MDFIC2: variants seen among roughly 807,000 people sequenced by gnomAD.
MDFIC2 encodes myoD family inhibitor domain-containing protein 2.
intron 2 of MDFIC2, among the ~76,000 whole-genome samples, chr3:70,231,858 C>T (rs111968233): frequency 0.024 from 3,655 of 152,206 alleles, 121 homozygotes; most frequent in African/African-American, 0.082. Flanking sequence ...ACTAAACAGG[C>T]CTGCTGTGAT....
At chr3:70,285,924 A>C (rs1702157574) in intron 2 of MDFIC2, among the ~76,000 whole-genome samples, 1 of 150,592 alleles carries the variant, frequency 6.6e-6, no homozygotes, top group African/African-American at 2.4e-5. Flanking sequence ...TTTCTTGTAA[A>C]TTTGTTTGAG....
intron 2 of MDFIC2, among the ~76,000 whole-genome samples, chr3:70,224,281 C>T (rs1440341309): frequency 6.6e-6 from 1 of 152,192 alleles, no homozygotes; most frequent in African/African-American, 2.4e-5. Context: ...CTTTCTCAGT[C>T]CTCCAAGCAC....
chr3:70,301,780 T>G (rs1162586322), intron 2 of MDFIC2, among the ~76,000 whole-genome samples: 1 of 152,124 alleles, frequency 6.6e-6, no homozygotes, highest in African/African-American at 2.4e-5. Flanking sequence ...GGAATTTATA[T>G]TCAAGATATT....
intron 2 of MDFIC2, among the ~76,000 whole-genome samples, chr3:70,268,498 C>A (rs980570457): frequency 7.1e-4 from 87 of 123,242 alleles, no homozygotes; most frequent in African/African-American, 2.7e-3. Context: ...AAAAAAAAAT[C>A]CCCACCAGAA....
At chr3:70,253,361 G>A (rs974186773) in intron 2 of MDFIC2, among the ~76,000 whole-genome samples, 6 of 152,180 alleles carry the variant, frequency 3.9e-5, no homozygotes, top group African/African-American at 1.2e-4. Flanking sequence ...GGGGATAAAT[G>A]TGCAAGGGGC....
chr3:70,305,149 C>G (rs1204111545), intron 2 of MDFIC2, among the ~76,000 whole-genome samples: 2 of 152,116 alleles, frequency 1.3e-5, no homozygotes, highest in Admixed American at 1.3e-4. Context: ...AAACAATTAC[C>G]CTTGTGAAAT....
intron 3 of MDFIC2, chr3:70,204,990 T>C (rs1019388362): frequency 6.6e-6 from 1 of 152,134 alleles, no homozygotes; most frequent in Non-Finnish European, 1.5e-5. Flanking sequence ...ATTACCTGTT[T>C]TCTTGACTGG....
rs1701349000 is a variant in MDFIC2 at position 70,211,548 on chromosome 3, TTCCCTTCCCTTTGCCCTTCCCTTCCC to T, written c.89-4784_89-4759del. Among the ~76,000 whole-genome samples the T allele has an allele frequency of 2.9e-5, 2 of 68,524 alleles. 1 individual carries two copies. Among genetic ancestry groups the T allele is most frequent in the Non-Finnish European group, 6.3e-5 (2 of 31,686 alleles). The allele number at this position is 68,524 out of a possible 152,430, so 45.0% of individuals were successfully genotyped here. A position where few individuals can be genotyped will look rare whatever the true frequency, so the allele number is the denominator to read the frequency against. On this transcript the variant is annotated intron_variant, in intron 2 of 3. Coordinates refer to ENST00000567252, the MANE Select transcript of MDFIC2 (RefSeq NM_001364677.1). ...CCCTTCCCTTTGCCCTTCCCTTCCC[TTCCCTTCCCTTTGCCCTTCCCTTCCC>T]TTCCCTTCCTTTCCCTTCCCTTCCC...
intron 2 of MDFIC2, among the ~76,000 whole-genome samples, chr3:70,252,033 T>C (rs1701774182): frequency 6.6e-6 from 1 of 152,224 alleles, no homozygotes; most frequent in African/African-American, 2.4e-5. Flanking sequence ...ATTCTGCATA[T>C]GTGAGGAGGC....
intron 2 of MDFIC2, among the ~76,000 whole-genome samples, chr3:70,213,760 T>C (rs1228285426): frequency 6.6e-6 from 1 of 152,142 alleles, no homozygotes; most frequent in African/African-American, 2.4e-5. Flanking sequence ...TAATACAATA[T>C]ATAAAATACA....
At chr3:70,246,320 C>A (rs1024133618) in intron 2 of MDFIC2, among the ~76,000 whole-genome samples, 1 of 152,004 alleles carries the variant, frequency 6.6e-6, no homozygotes, top group Non-Finnish European at 1.5e-5. Flanking sequence ...ACAGTTTGAA[C>A]GTAAGCTGGA....
At chr3:70,242,006 T>C (rs1575604806) in intron 2 of MDFIC2, among the ~76,000 whole-genome samples, 2 of 152,250 alleles carry the variant, frequency 1.3e-5, no homozygotes, top group South Asian at 4.2e-4. Flanking sequence ...CCAACACAGT[T>C]CTTCTGTGTG....
rs1423065905 is a variant in MDFIC2 at position 70,250,432 on chromosome 3, C to T, written c.89-43642G>A. ...AATCTCACACACACACACACACACA[C>T]ACACACACACACACACACAAACACA... On this transcript the variant is annotated intron_variant, in intron 2 of 3. Transcript: ENST00000567252. Among the ~76,000 whole-genome samples, 7 of 151,718 alleles carry T rather than the reference C, an allele frequency of 4.6e-5. No individual in the cohort carries two copies. The South Asian group carries it at 6.2e-4, about 14-fold the overall frequency.
chr3:70,212,060 G>T (rs1054854991), intron 2 of MDFIC2, among the ~76,000 whole-genome samples: 2 of 151,856 alleles, frequency 1.3e-5, no homozygotes, highest in Non-Finnish European at 2.9e-5. Context: ...GCCCTTGAAG[G>T]CCGTATTTGT....
In MDFIC2 at chr3:70,197,072, G is replaced by T. The variant is rs1383792008; in HGVS notation, c.424C>A (p.Arg142=). 15 of 398,436 alleles carry T rather than the reference G, an allele frequency of 3.8e-5. No individual in the cohort carries two copies. The highest frequency in any genetic ancestry group is 6.2e-5 in the Non-Finnish European group (14 of 226,048). 24.7% of individuals were successfully genotyped at this position (398,436 alleles called of 1,614,324 possible). A position where few individuals can be genotyped will look rare whatever the true frequency, so the allele number is the denominator to read the frequency against. ...VCTKMCCPSR[R]YHHTSDENHS... The stretch of plus-strand genomic sequence containing the variant: ...TTTTCATCCGAGGTGTGGTGATACC[G>T]GCGAGAGGGGCAGCACATTTTGGTA... Residue 142 remains arginine (R), a synonymous_variant, in exon 4 of 4, where the codon CGG becomes AGG. Coordinates refer to ENST00000567252, the MANE Select transcript of MDFIC2 (RefSeq NM_001364677.1).
At chr3:70,269,695 T>C (rs908063361) in intron 2 of MDFIC2, among the ~76,000 whole-genome samples, 2 of 152,062 alleles carry the variant, frequency 1.3e-5, no homozygotes, top group Admixed American at 1.3e-4. Flanking sequence ...ATATTTAATA[T>C]AGTGGCAAAA....
At chr3:70,248,335 T>A (rs1225125391) in intron 2 of MDFIC2, among the ~76,000 whole-genome samples, 2 of 152,056 alleles carry the variant, frequency 1.3e-5, no homozygotes, top group Non-Finnish European at 2.9e-5. Context: ...CTGAAGGAGT[T>A]TATAAATGGA....
chr3:70,272,992 G>T (rs1295988654), intron 2 of MDFIC2, among the ~76,000 whole-genome samples: 1 of 152,154 alleles, frequency 6.6e-6, no homozygotes, highest in African/African-American at 2.4e-5. Context: ...TTCAGTCCAG[G>T]TCAAATCACT....
chr3:70,293,094 G>A lies in MDFIC2; in HGVS notation c.88+18792C>T, dbSNP rs1001448928. ...AAAGTAGCATATTACATGACGAGAAGAAAGAAAATTCAGTATTCACCAACT... is the reference window on the plus strand; with the variant it reads ...AAAGTAGCATATTACATGACGAGAAAAAAGAAAATTCAGTATTCACCAACT... On this transcript the variant is annotated intron_variant, in intron 2 of 3. Coordinates refer to ENST00000567252, the MANE Select transcript of MDFIC2 (RefSeq NM_001364677.1). Among the ~76,000 whole-genome samples the A allele has an allele frequency of 8.5e-5, 10 of 117,770 alleles. No homozygotes were observed. In the East Asian group the frequency reaches 2.1e-3, roughly 24 times the overall value. 77.3% of individuals were successfully genotyped at this position (117,770 alleles called of 152,430 possible). A position where few individuals can be genotyped will look rare whatever the true frequency, so the allele number is the denominator to read the frequency against.
Sources: allele counts gnomAD v4.1 joint callset (sites outside exome capture counted in the v4.1 genomes callset), GRCh38; gene constraint gnomAD v4.1.1; transcripts MANE v1.5; gene names NCBI Gene and HGNC (gene_info 2026-07-23, HGNC 2026-07-21).